The following UNC80 variants were observed in gnomAD, a reference collection of about 807,000 sequenced individuals.
UNC80 encodes protein unc-80 homolog.
Under a neutral mutation model 384.6 loss-of-function variants are expected in UNC80, and 164 were observed. The ratio of observed to expected loss-of-function variants is 0.43; its 90% confidence interval spans 0.38 to 0.49. UNC80 has a LOEUF of 0.49. Ranked by LOEUF, UNC80 falls within the 20% of genes least tolerant of loss-of-function variation. UNC80 has a pLI of 0.00. For synonymous variants in UNC80, 1,486 were observed against 1,527.8 expected (o/e 0.97, Z 0.64); for missense variants, 3,330 against 4,143.0 (o/e 0.80, Z 5.39).
At chr2:209,895,891 C>G (rs960585220) in intron 27 of UNC80, among the ~76,000 whole-genome samples, 2 of 152,186 alleles carry the variant, frequency 1.3e-5, no homozygotes, top group African/African-American at 2.4e-5. Flanking sequence ...AGCAATAGCA[C>G]TAGCTGCAGT....
At chr2:209,870,110 T>C (rs2084167516) in intron 22 of UNC80, among the ~76,000 whole-genome samples, 1 of 152,148 alleles carries the variant, frequency 6.6e-6, no homozygotes, top group South Asian at 2.1e-4. Context: ...ACCCCATACA[T>C]ATGGTCCACG....
intron 59 of UNC80, among the ~76,000 whole-genome samples, chr2:209,981,481 G>C (rs2093154678): frequency 1.3e-5 from 2 of 152,216 alleles, no homozygotes; most frequent in African/African-American, 4.8e-5. Context: ...TGGAGGCTGA[G>C]GCATGGGAAC....
intron 12 of UNC80, among the ~76,000 whole-genome samples, chr2:209,819,595 T>C (rs973487401): frequency 6.6e-6 from 1 of 152,202 alleles, no homozygotes; most frequent in South Asian, 2.1e-4. Context: ...TCTTCACTTA[T>C]TTTATTTTGG....
At chr2:209,933,705 A>G in intron 38 of UNC80, 117 bp from the exon 39 acceptor site, 2 of 877,194 alleles carry the variant, frequency 2.3e-6, no homozygotes, top group Middle Eastern at 3.6e-4. Context: ...AAGCATCTGA[A>G]CAGAGAATAT....
At chr2:209,965,718 G>A (rs1256035406) in intron 51 of UNC80, among the ~76,000 whole-genome samples, 1 of 152,034 alleles carries the variant, frequency 6.6e-6, no homozygotes, top group African/African-American at 2.4e-5. Flanking sequence ...AACACACCCG[G>A]CCAGAAGGTC....
chr2:209,825,262 G>C (rs1157065070), intron 13 of UNC80, among the ~76,000 whole-genome samples: 2 of 152,106 alleles, frequency 1.3e-5, no homozygotes, highest in Non-Finnish European at 2.9e-5. Context: ...TAACAACAAA[G>C]ATTAAATTGG....
intron 29 of UNC80, among the ~76,000 whole-genome samples, chr2:209,906,550 A>G (rs2088241029): frequency 6.6e-6 from 1 of 152,134 alleles, no homozygotes; most frequent in Admixed American, 6.5e-5. Flanking sequence ...CTTTATATCT[A>G]TAATGTATTT....
intron 22 of UNC80, among the ~76,000 whole-genome samples, chr2:209,854,689 A>G (rs1397309805): frequency 6.6e-6 from 1 of 152,058 alleles, no homozygotes; most frequent in African/African-American, 2.4e-5. Flanking sequence ...TAAACAAATG[A>G]AAAAAAAGCT....
chr2:209,826,824 T>A (rs192502444), intron 14 of UNC80, among the ~76,000 whole-genome samples: 2 of 152,238 alleles, frequency 1.3e-5, no homozygotes, highest in African/African-American at 4.8e-5. Flanking sequence ...AAAAAGGAGT[T>A]TGATGCAAAG....
At chr2:209,845,638 A>G (rs2082115177) in intron 21 of UNC80, among the ~76,000 whole-genome samples, 1 of 152,186 alleles carries the variant, frequency 6.6e-6, no homozygotes, top group South Asian at 2.1e-4. Context: ...ATGTCTAGAA[A>G]ACAAAGCCAT....
chr2:209,914,521 A>G (rs1227081395), intron 31 of UNC80, among the ~76,000 whole-genome samples: 4 of 152,016 alleles, frequency 2.6e-5, no homozygotes, highest in African/African-American at 7.2e-5. Flanking sequence ...ATGAAGCTAA[A>G]AGTATTGCCC....
chr2:209,878,159 T>C (rs1340122002), intron 24 of UNC80, 70 bp downstream of exon 24: 3 of 1,389,246 alleles, frequency 2.2e-6, no homozygotes, highest in Non-Finnish European at 2.8e-6. Flanking sequence ...ACTTAATACT[T>C]CTCTTTTCTC....
Position 209,973,133 on chromosome 2 carries a change from C to A in UNC80, c.8450C>A (p.Pro2817Gln), listed in dbSNP as rs756515471. The A allele has an allele frequency of 6.4e-7, 1 of 1,551,604 alleles. No homozygotes were observed. Among genetic ancestry groups the A allele is most frequent in the Non-Finnish European group, 8.7e-7 (1 of 1,146,992 alleles). The change falls in exon 56 of 65, where the codon CCG (proline) becomes CAG (glutamine). Residue 2817 changes from proline (P) to glutamine (Q), a missense_variant. By Grantham distance (76) the Pro-to-Gln change is moderately conservative. Coordinates refer to ENST00000673920, the MANE Select transcript of UNC80 (RefSeq NM_001371986.1). ...LQTVINVLLP[P>Q]RIISTSRSKN... ...ACAGTCATCAATGTACTCCTCCCAC[C>A]GCGGATCATCAGCACATCCAGGAGC...
chr2:209,875,887 G>A (rs564881701), intron 23 of UNC80, among the ~76,000 whole-genome samples: 1 of 152,042 alleles, frequency 6.6e-6, no homozygotes, highest in Admixed American at 6.5e-5. Flanking sequence ...TTTTATTTCA[G>A]TGGCTTTTGG....
At chr2:209,915,539 A>C (rs995748516) in intron 31 of UNC80, among the ~76,000 whole-genome samples, 8 of 152,280 alleles carry the variant, frequency 5.3e-5, no homozygotes, top group East Asian at 3.9e-4. Context: ...TAATATTAGA[A>C]AGGTGAGTGG....
At chr2:209,836,928 A>G (rs2081370285) in intron 18 of UNC80, among the ~76,000 whole-genome samples, 1 of 152,240 alleles carries the variant, frequency 6.6e-6, no homozygotes, top group Admixed American at 6.5e-5. Context: ...GAGAAATTAT[A>G]GCCTCCCCAG....
chr2:209,926,330 A>G lies in UNC80; in HGVS notation c.5663-513A>G, dbSNP rs114163493. Among the ~76,000 whole-genome samples the G allele has an allele frequency of 7.7e-3, 1,176 of 152,360 alleles. 6 individuals carry two copies. The highest frequency in any genetic ancestry group is 0.014 in the Middle Eastern group (4 of 294). ...CGCTTCTCTACCAAACAAGAATAAT[A>G]GTACTCGGAAAGTGGGCTGGTTTTT... On this transcript the variant is annotated intron_variant, in intron 35 of 64. Transcript: ENST00000673920.
Position 209,903,523 on chromosome 2 carries a change from A to ATATTATATATAGTATATATGTAAT in UNC80, c.4582-1242_4582-1241insTATTATATATAGTATATATGTAAT, listed in dbSNP as rs2087729952. Among the ~76,000 whole-genome samples, 2 of 57,180 alleles carry ATATTATATATAGTATATATGTAAT rather than the reference A, an allele frequency of 3.5e-5. 1 individual carries two copies. Among genetic ancestry groups the ATATTATATATAGTATATATGTAAT allele is most frequent in the African/African-American group, 1.8e-4 (2 of 11,234 alleles). The allele number at this position is 57,180 out of a possible 152,430, so 37.5% of individuals were successfully genotyped here. On this transcript the variant is annotated intron_variant, in intron 28 of 64. Transcript: ENST00000673920. Reference sequence around the variant, plus strand: ...TATATAGTATATATGTAATATATATACTATATATATTATATATAGTATATA... The same window carrying ATATTATATATAGTATATATGTAAT: ...TATATAGTATATATGTAATATATATATATTATATATAGTATATATGTAATCTATATATATTATATATAGTATATA...
At chr2:209,916,282 G>T (rs2089526533) in intron 31 of UNC80, among the ~76,000 whole-genome samples, 1 of 152,070 alleles carries the variant, frequency 6.6e-6, no homozygotes, top group Non-Finnish European at 1.5e-5. Flanking sequence ...AGAGGAAGAA[G>T]CCCAGCCAGA....
Sources: allele counts gnomAD v4.1 joint callset (sites outside exome capture counted in the v4.1 genomes callset), GRCh38; gene constraint gnomAD v4.1.1; transcripts MANE v1.5; gene names NCBI Gene and HGNC (gene_info 2026-07-23, HGNC 2026-07-21).